PDE4B: variants seen among roughly 807,000 people sequenced by gnomAD.
PDE4B encodes the protein 3',5'-cyclic-AMP phosphodiesterase 4B.
PDE4B carries 20 observed loss-of-function variants against 82.2 expected under a neutral mutation model. That is an observed-to-expected ratio of 0.24 (90% CI 0.17 to 0.35). The LOEUF (loss-of-function observed/expected upper bound fraction) is 0.35. Among genes scored for constraint, PDE4B ranks in the 10% least tolerant of loss-of-function variants. The pLI is 1.00. For missense variants in PDE4B, 655 were observed against 907.2 expected, an observed-to-expected ratio of 0.72 and a Z score of 3.57; for synonymous variants, 320 against 318.9, an observed-to-expected ratio of 1.00 and a Z score of -0.04.
intron 3 of PDE4B, among the ~76,000 whole-genome samples, chr1:65,968,957 C>A (rs1649990745): frequency 6.6e-6 from 1 of 152,124 alleles, no homozygotes; most frequent in Non-Finnish European, 1.5e-5. Flanking sequence ...ATATTCATAA[C>A]CACATTTTGA....
chr1:66,274,755 A>T (rs1256793163), intron 7 of PDE4B, among the ~76,000 whole-genome samples: 1 of 152,196 alleles, frequency 6.6e-6, no homozygotes, highest in Non-Finnish European at 1.5e-5. Flanking sequence ...TGGTGTTATT[A>T]GTGTTATATA....
intron 3 of PDE4B, among the ~76,000 whole-genome samples, chr1:65,964,440 T>A (rs1322897609): frequency 6.6e-6 from 1 of 152,206 alleles, no homozygotes; most frequent in Non-Finnish European, 1.5e-5. Flanking sequence ...GATTCATGGA[T>A]TCTGGTATTT....
intron 3 of PDE4B, among the ~76,000 whole-genome samples, chr1:65,957,783 T>G (rs1649332839): frequency 6.6e-6 from 1 of 152,110 alleles, no homozygotes; most frequent in Admixed American, 6.6e-5. Context: ...TTGCTACTAT[T>G]GTAACTAGTA....
chr1:66,100,123 G>A (rs1570232530), intron 3 of PDE4B, among the ~76,000 whole-genome samples: 2 of 151,556 alleles, frequency 1.3e-5, no homozygotes, highest in South Asian at 2.1e-4. Context: ...GTGGGATCTC[G>A]GCTCACTGCA....
At chr1:66,178,854 T>C (rs1429589251) in intron 3 of PDE4B, among the ~76,000 whole-genome samples, 3 of 152,156 alleles carry the variant, frequency 2.0e-5, no homozygotes, top group African/African-American at 4.8e-5. Context: ...TCTTAACTTT[T>C]TTTTTCTTTT....
intron 3 of PDE4B, among the ~76,000 whole-genome samples, chr1:66,037,637 G>C (rs1654139174): frequency 6.6e-6 from 1 of 151,974 alleles, no homozygotes; most frequent in Admixed American, 6.6e-5. Flanking sequence ...GTTCTGGCTA[G>C]TACTTCGAGT....
chr1:66,122,424 G>C (rs1645728650), intron 3 of PDE4B, among the ~76,000 whole-genome samples: 1 of 152,080 alleles, frequency 6.6e-6, no homozygotes, highest in African/African-American at 2.4e-5. Flanking sequence ...AGACCCAAGA[G>C]ATATATTTTG....
At chr1:65,954,465 G>C (rs887227100) in intron 3 of PDE4B, among the ~76,000 whole-genome samples, 1 of 151,958 alleles carries the variant, frequency 6.6e-6, no homozygotes, top group Non-Finnish European at 1.5e-5. Flanking sequence ...TATATATCAC[G>C]TTCATGCATT....
intron 3 of PDE4B, among the ~76,000 whole-genome samples, chr1:65,985,202 T>C (rs1650894264): frequency 6.6e-6 from 1 of 152,188 alleles, no homozygotes; most frequent in South Asian, 2.1e-4. Flanking sequence ...TAGTAAAATA[T>C]TAATTTAGGA....
At chr1:66,021,784 T>A (rs1653134721) in intron 3 of PDE4B, among the ~76,000 whole-genome samples, 1 of 152,194 alleles carries the variant, frequency 6.6e-6, no homozygotes. Flanking sequence ...AGGATTGTCT[T>A]GGCAATGCGG....
At chr1:65,959,651 C>A (rs988009681) in intron 3 of PDE4B, among the ~76,000 whole-genome samples, 6 of 150,960 alleles carry the variant, frequency 4.0e-5, no homozygotes, top group African/African-American at 1.2e-4. Flanking sequence ...GGTATTATTA[C>A]CCCCATTTTT....
At chr1:66,020,933 CAGTG>C (rs1037943036) in intron 3 of PDE4B, among the ~76,000 whole-genome samples, 14 of 152,240 alleles carry the variant, frequency 9.2e-5, no homozygotes, top group African/African-American at 3.4e-4. Context: ...GTCTCACCAA[CAGTG>C]TAAAAGCGTT....
intron 13 of PDE4B, among the ~76,000 whole-genome samples, chr1:66,366,855 A>G (rs1226694422): frequency 6.6e-6 from 1 of 152,234 alleles, no homozygotes; most frequent in African/African-American, 2.4e-5. Context: ...AAGAGTACTC[A>G]TTGGAGGTTG....
At chr1:66,141,123 C>T (rs1646161633) in intron 3 of PDE4B, among the ~76,000 whole-genome samples, 1 of 151,646 alleles carries the variant, frequency 6.6e-6, no homozygotes, top group East Asian at 1.9e-4. Flanking sequence ...TAAGCTATAC[C>T]TAGAAAATTT....
chr1:66,029,267 T>C (rs1653627367), intron 3 of PDE4B, among the ~76,000 whole-genome samples: 1 of 152,016 alleles, frequency 6.6e-6, no homozygotes, highest in Non-Finnish European at 1.5e-5. Flanking sequence ...ATCACGAGGG[T>C]AGCATGGGTA....
intron 3 of PDE4B, among the ~76,000 whole-genome samples, chr1:65,940,462 T>A (rs528330908): frequency 3.9e-5 from 6 of 152,270 alleles, no homozygotes; most frequent in African/African-American, 1.4e-4. Context: ...TATTTGACTT[T>A]AAAAAAATAA....
intron 3 of PDE4B, among the ~76,000 whole-genome samples, chr1:66,192,298 T>A: frequency 6.6e-6 from 1 of 152,204 alleles, no homozygotes; most frequent in East Asian, 1.9e-4. Flanking sequence ...TTTTTGCCTA[T>A]AAAATTTTAA....
At chr1:66,230,146 C>T (rs900816832) in intron 3 of PDE4B, among the ~76,000 whole-genome samples, 1 of 152,194 alleles carries the variant, frequency 6.6e-6, no homozygotes, top group Admixed American at 6.5e-5. Flanking sequence ...GTTTTTGCAG[C>T]CCCTGTCCTA....
chr1:66,148,100 T>C (rs576435376), intron 3 of PDE4B, among the ~76,000 whole-genome samples: 13 of 152,112 alleles, frequency 8.5e-5, no homozygotes, highest in Non-Finnish European at 1.6e-4. Context: ...CAAAACCCTG[T>C]GTGTACTAAA....
Sources: allele counts gnomAD v4.1 joint callset (sites outside exome capture counted in the v4.1 genomes callset), GRCh38; gene constraint gnomAD v4.1.1; transcripts MANE v1.5; gene names NCBI Gene and HGNC (gene_info 2026-07-23, HGNC 2026-07-21).